Variants in ALDH1A2 observed in about 807,000 individuals in gnomAD.
The protein encoded by ALDH1A2 is retinal dehydrogenase 2.
In ALDH1A2, 27 loss-of-function variants were observed where a neutral mutation model predicts 60.3. The ratio of observed to expected loss-of-function variants is 0.45; its 90% CI spans 0.33 to 0.62. ALDH1A2 has a LOEUF of 0.62. Among genes scored for constraint, ALDH1A2 ranks in the 20% least tolerant of loss-of-function variants. ALDH1A2 has a pLI of 0.02. For missense variants in ALDH1A2, 581 were observed against 643.8 expected, an observed-to-expected ratio of 0.90 and a Z score of 1.06; for synonymous variants, 289 against 232.4, an observed-to-expected ratio of 1.24 and a Z score of -2.21.
chr15:58,032,087 A>G (rs1896255415), intron 1 of ALDH1A2, among the ~76,000 whole-genome samples: 1 of 152,186 alleles, frequency 6.6e-6, no homozygotes, highest in South Asian at 2.1e-4. Context: ...TCACAATAGC[A>G]AAGACTTGGA....
intron 7 of ALDH1A2, among the ~76,000 whole-genome samples, chr15:57,991,163 T>C (rs1894883831): frequency 6.6e-6 from 1 of 152,204 alleles, no homozygotes; most frequent in East Asian, 1.9e-4. Context: ...CCATTCTATC[T>C]AGGTTTATAT....
At chr15:58,021,112 AT>A (rs1313430228) in intron 1 of ALDH1A2, among the ~76,000 whole-genome samples, 3 of 152,016 alleles carry the variant, frequency 2.0e-5, no homozygotes, top group African/African-American at 7.2e-5. Context: ...GCTCTCAACT[AT>A]ATCTTTATTA....
intron 1 of ALDH1A2, among the ~76,000 whole-genome samples, chr15:58,035,453 A>G (rs1465185188): frequency 8.2e-6 from 1 of 122,542 alleles, no homozygotes; most frequent in Non-Finnish European, 2.0e-5. Flanking sequence ...GATCTGTGCT[A>G]TAATTTTTGT....
At chr15:58,049,798 A>G (rs761638945) in intron 1 of ALDH1A2, among the ~76,000 whole-genome samples, 13 of 152,144 alleles carry the variant, frequency 8.5e-5, no homozygotes, top group Non-Finnish European at 1.6e-4. Flanking sequence ...CTTTGAGAGA[A>G]GAAAACTCAA....
At chr15:57,984,059 C>T (rs1331006514) in intron 7 of ALDH1A2, among the ~76,000 whole-genome samples, 2 of 152,162 alleles carry the variant, frequency 1.3e-5, no homozygotes, top group African/African-American at 2.4e-5. Context: ...TATGTCATTC[C>T]GAATTTTAAT....
chr15:57,961,793 C>A (rs1406110570), intron 10 of ALDH1A2, among the ~76,000 whole-genome samples: 6 of 151,922 alleles, frequency 3.9e-5, no homozygotes, highest in African/African-American at 1.2e-4. Context: ...TAATAATAAT[C>A]ATAAGCACAT....
intron 1 of ALDH1A2, among the ~76,000 whole-genome samples, chr15:58,029,824 C>G (rs1228556326): frequency 6.6e-6 from 1 of 152,078 alleles, no homozygotes; most frequent in Non-Finnish European, 1.5e-5. Flanking sequence ...TACACCCTCC[C>G]AAGAATAAAC....
At chr15:57,956,635 C>G (rs1338280442) in intron 12 of ALDH1A2, among the ~76,000 whole-genome samples, 1 of 152,156 alleles carries the variant, frequency 6.6e-6, no homozygotes, top group Non-Finnish European at 1.5e-5. Context: ...TTGCCCCACT[C>G]GTTGCATGCT....
chr15:58,035,854 G>A (rs1896365038), intron 1 of ALDH1A2, among the ~76,000 whole-genome samples: 1 of 151,522 alleles, frequency 6.6e-6, no homozygotes, highest in African/African-American at 2.4e-5. Flanking sequence ...TGCTTTGTGA[G>A]AGCTTGAGAA....
intron 7 of ALDH1A2, chr15:57,991,674 G>T (rs1894900017): frequency 6.6e-6 from 1 of 152,294 alleles, no homozygotes; most frequent in East Asian, 1.9e-4. Context: ...AACTTATAGT[G>T]ATTATATGTT....
At chr15:57,997,808 C>T (rs539468980) in intron 4 of ALDH1A2, among the ~76,000 whole-genome samples, 9 of 152,014 alleles carry the variant, frequency 5.9e-5, no homozygotes, top group East Asian at 1.9e-4. Flanking sequence ...TTGGATAAAC[C>T]GTTCACATAT....
chr15:58,010,946 G>C (rs1013211794), intron 3 of ALDH1A2, among the ~76,000 whole-genome samples, 168 bp from the exon 4 acceptor site: 1 of 152,054 alleles, frequency 6.6e-6, no homozygotes, highest in African/African-American at 2.4e-5. Flanking sequence ...CTGCCAGTTT[G>C]GTCTAGTTCC....
chr15:57,999,014 C>G (rs1403456878), intron 4 of ALDH1A2, among the ~76,000 whole-genome samples: 1 of 152,102 alleles, frequency 6.6e-6, no homozygotes, highest in African/African-American at 2.4e-5. Flanking sequence ...AAAATTAAAA[C>G]TGGACCCCTT....
chr15:57,961,210 C>T lies in ALDH1A2; in HGVS notation c.1336G>A (p.Val446Ile), dbSNP rs760154736. 6 of 1,614,126 alleles carry T rather than the reference C, an allele frequency of 3.7e-6. No individual in the cohort carries two copies. The highest frequency in any genetic ancestry group is 4.2e-6 in the Non-Finnish European group (5 of 1,179,976). Residue 446 changes from valine to isoleucine, a missense_variant, in exon 11 of 13, where the codon GTA (valine) becomes ATA (isoleucine). Around this residue, in one of 2 missense-constraint regions of ALDH1A2, gnomAD observed 375 missense variants for 469.7 expected, o/e 0.80. Transcript: ENST00000249750. Reference sequence around the variant, plus strand: ...ATGTCATTAGTAAAGACAGCTGCTACGAGTCCAAAGTCTGAGTTATTGGCT... The same window carrying T: ...ATGTCATTAGTAAAGACAGCTGCTATGAGTCCAAAGTCTGAGTTATTGGCT... ...ERANNSDFGLVAAVFTNDINK... is the reference protein window; with the variant it reads ...ERANNSDFGLIAAVFTNDINK...
intron 1 of ALDH1A2, among the ~76,000 whole-genome samples, chr15:58,037,430 G>A (rs1177573121): frequency 7.9e-5 from 12 of 151,778 alleles, no homozygotes; most frequent in Admixed American, 6.6e-4. Context: ...AGAGAAAGAA[G>A]TGGAACTCAT....
At position 57,954,886 on chromosome 15, in the gene ALDH1A2, T is replaced by C; in HGVS notation, c.*311A>G. On this transcript the variant is annotated 3_prime_UTR_variant, in exon 13 of 13. Coordinates refer to ENST00000249750, the MANE Select transcript of ALDH1A2 (RefSeq NM_003888.4). The stretch of plus-strand genomic sequence containing the variant: ...AGTTCTTTGTGACAAAGACATGAAA[T>C]AATACAGCTCCCTTATTTCATCCTG... The C allele has an allele frequency of 2.3e-6, 1 of 431,194 alleles. No homozygotes were observed. The highest frequency in any genetic ancestry group is 2.0e-5 in the African/African-American group (1 of 50,268). The allele number at this position is 431,194 out of a possible 1,614,324, so 26.7% of individuals were successfully genotyped here.
intron 1 of ALDH1A2, 43 bp from the exon 2 acceptor site, chr15:58,014,324 T>C: frequency 6.7e-7 from 1 of 1,487,604 alleles, no homozygotes; most frequent in Non-Finnish European, 9.4e-7. Context: ...ACACAGGTGA[T>C]AAGCAGCCAG....
chr15:58,045,436 C>A (rs1421001209), intron 1 of ALDH1A2, among the ~76,000 whole-genome samples: 1 of 152,098 alleles, frequency 6.6e-6, no homozygotes, highest in Non-Finnish European at 1.5e-5. Flanking sequence ...TATAAAGACA[C>A]ACGCACACGT....
At chr15:58,027,808 G>A (rs1413188010) in intron 1 of ALDH1A2, among the ~76,000 whole-genome samples, 1 of 152,020 alleles carries the variant, frequency 6.6e-6, no homozygotes, top group Non-Finnish European at 1.5e-5. Context: ...AGTGATTGAA[G>A]ATCAAATTAA....
Sources: gnomAD v4.1 joint callset for allele counts (sites outside exome capture counted in the v4.1 genomes callset) on GRCh38, gnomAD v4.1.1 for gene constraint, gnomAD v4.1.1 regional missense constraint, MANE v1.5 for transcripts, NCBI Gene and HGNC (gene_info 2026-07-23, HGNC 2026-07-21) for gene names.